The following MORC3 variants were observed in gnomAD, a reference collection of about 807,000 sequenced individuals.
The protein encoded by MORC3 is MORC family CW-type zinc finger 3, also known as MORC family CW-type zinc finger protein 3.
Under a neutral mutation model 109.1 loss-of-function variants are expected in MORC3, and 31 were observed. That is an observed-to-expected ratio of 0.28 (90% CI 0.21 to 0.38). MORC3 has a LOEUF of 0.38. Among genes scored for constraint, MORC3 ranks in the 10% least tolerant of loss-of-function variants. MORC3 has a pLI of 1.00. For synonymous variants in MORC3, 395 were observed against 380.7 expected (o/e 1.04, Z -0.44); for missense variants, 867 against 1,135.8 (o/e 0.76, Z 3.40).
chr21:36,327,900 A>G (rs2085267182), intron 1 of MORC3, among the ~76,000 whole-genome samples: 1 of 151,154 alleles, frequency 6.6e-6, no homozygotes, highest in African/African-American at 2.4e-5. Flanking sequence ...TTTCTGAGAC[A>G]GAGTCTTGTT....
At chr21:36,346,231 C>G (rs1258911507) in intron 8 of MORC3, among the ~76,000 whole-genome samples, 2 of 152,126 alleles carry the variant, frequency 1.3e-5, no homozygotes, top group African/African-American at 2.4e-5. Context: ...GTTGACCAGG[C>G]TGGCCTCAAA....
At chr21:36,354,193 A>C (rs975789208) in intron 9 of MORC3, among the ~76,000 whole-genome samples, 1 of 152,114 alleles carries the variant, frequency 6.6e-6, no homozygotes, top group African/African-American at 2.4e-5. Flanking sequence ...AGGCTGAGGA[A>C]GAAGGGGGAT....
At chr21:36,341,859 T>C (rs569533610) in intron 6 of MORC3, among the ~76,000 whole-genome samples, 3 of 152,320 alleles carry the variant, frequency 2.0e-5, no homozygotes, top group South Asian at 4.1e-4. Flanking sequence ...TATTATCTTA[T>C]TAGAATCAAT....
chr21:36,364,060 T>C (rs2085750202), intron 13 of MORC3, 33 bp from the exon 14 acceptor site: 1 of 1,593,904 alleles, frequency 6.3e-7, no homozygotes, highest in Admixed American at 1.8e-5. Flanking sequence ...CTAGAAATAG[T>C]TCCTTTAAGG....
intron 16 of MORC3, among the ~76,000 whole-genome samples, chr21:36,373,278 T>G (rs542122583): frequency 2.0e-4 from 30 of 151,888 alleles, no homozygotes; most frequent in African/African-American, 7.2e-4. Context: ...AGGTGGAGGT[T>G]GCAGTGAGCC....
intron 6 of MORC3, among the ~76,000 whole-genome samples, chr21:36,341,950 G>A (rs2085452693): frequency 6.6e-6 from 1 of 152,124 alleles, no homozygotes; most frequent in Admixed American, 6.6e-5. Flanking sequence ...GTATTTGCCC[G>A]TGCACGGTGG....
In MORC3 at chr21:36,354,323, C is replaced by CTTTTT. The variant is rs144208712; in HGVS notation, c.1104-2283_1104-2279dup. 5.2e-3 allele frequency among the ~76,000 whole-genome samples: 588 copies of CTTTTT among 113,534 alleles called. 1 individual carries two copies. The highest frequency in any genetic ancestry group is 8.9e-3 in the East Asian group (34 of 3,838). The allele number at this position is 113,534 out of a possible 152,430, so 74.5% of individuals were successfully genotyped here. A position where few individuals can be genotyped will look rare whatever the true frequency, so the allele number is the denominator to read the frequency against. Reference sequence around the variant, plus strand: ...TTTTGTTTTCTTTCTTTCTTTCTTTCTTTTTTTTTTTTTTTTTTGAGATGG... The same window carrying CTTTTT: ...TTTTGTTTTCTTTCTTTCTTTCTTTCTTTTTTTTTTTTTTTTTTTTTTTGAGATGG... On this transcript the variant is annotated intron_variant, in intron 9 of 16. Transcript: ENST00000400485.
At chr21:36,357,311 C>T (rs948732801) in intron 10 of MORC3, among the ~76,000 whole-genome samples, 2 of 152,084 alleles carry the variant, frequency 1.3e-5, no homozygotes, top group African/African-American at 4.8e-5. Flanking sequence ...ATACATTATA[C>T]ATATTATTCA....
intron 15 of MORC3, among the ~76,000 whole-genome samples, chr21:36,371,335 C>G: frequency 6.6e-6 from 1 of 152,162 alleles, no homozygotes; most frequent in East Asian, 1.9e-4. Context: ...TGCTCCTCAA[C>G]TTATGATGGT....
At chr21:36,353,489 C>T (rs1380101865) in intron 9 of MORC3, among the ~76,000 whole-genome samples, 2 of 151,896 alleles carry the variant, frequency 1.3e-5, no homozygotes, top group Non-Finnish European at 2.9e-5. Context: ...AACCACAATC[C>T]CAGCACTTTG....
At chr21:36,324,892 A>G (rs1278127431) in intron 1 of MORC3, among the ~76,000 whole-genome samples, 1 of 151,896 alleles carries the variant, frequency 6.6e-6, no homozygotes, top group Admixed American at 6.6e-5. Context: ...TGTTTTTAAT[A>G]GAGATGGTGT....
intron 1 of MORC3, among the ~76,000 whole-genome samples, chr21:36,328,592 C>T (rs1428241458): frequency 6.6e-6 from 1 of 152,150 alleles, no homozygotes; most frequent in African/African-American, 2.4e-5. Context: ...CTACTCACCT[C>T]GGCTTCCCAA....
At chr21:36,324,703 C>A (rs1296860368) in intron 1 of MORC3, among the ~76,000 whole-genome samples, 2 of 149,018 alleles carry the variant, frequency 1.3e-5, no homozygotes, top group Non-Finnish European at 3.0e-5. Context: ...AAACAGCCTT[C>A]TCATTTTTTT....
Position 36,369,140 on chromosome 21 carries a change from A to AACC in MORC3, c.1772_1773insACC (p.Asp591delinsGluPro). 6.2e-7 allele frequency: 1 copy of AACC among 1,614,150 alleles called. No individual in the cohort carries two copies. The highest frequency in any genetic ancestry group is 1.1e-5 in the South Asian group (1 of 91,076). On this transcript the variant is annotated protein_altering_variant, in exon 15 of 17. Coordinates refer to ENST00000400485, the MANE Select transcript of MORC3 (RefSeq NM_015358.3). ...AACAGTACCCCCAAACCTGCAGTAG[A>AACC]TCATGATATTGACATGAAATCAGAA...
intron 1 of MORC3, among the ~76,000 whole-genome samples, chr21:36,331,799 C>G (rs755378871): frequency 6.6e-6 from 1 of 152,090 alleles, no homozygotes; most frequent in African/African-American, 2.4e-5. Flanking sequence ...TGCGTTCAAA[C>G]GAAAAACCTT....
At position 36,372,254 on chromosome 21, in the gene MORC3, A is replaced by G. The variant is rs534956184; in HGVS notation, c.2509-120A>G. 1.2e-5 allele frequency: 10 copies of G among 809,502 alleles called. No individual in the cohort carries two copies. In the South Asian group the frequency reaches 2.8e-4, roughly 23 times the overall value. 50.1% of individuals were successfully genotyped at this position (809,502 alleles called of 1,614,324 possible). On this transcript the variant is annotated intron_variant, in intron 15 of 16. Coordinates refer to ENST00000400485, the MANE Select transcript of MORC3 (RefSeq NM_015358.3). ...GAAAACTACTGGTTTTTCTTTGTGT[A>G]TTTGTTTTTTGATAGTTGATAATGT...
At chr21:36,328,844 A>G (rs1176275407) in intron 1 of MORC3, among the ~76,000 whole-genome samples, 1 of 150,694 alleles carries the variant, frequency 6.6e-6, no homozygotes, top group Non-Finnish European at 1.5e-5. Context: ...CTTGGGCCAC[A>G]TTGGAAGAAG....
intron 5 of MORC3, 143 bp from the exon 6 acceptor site, chr21:36,341,256 T>A: frequency 2.9e-6 from 2 of 686,044 alleles, no homozygotes; most frequent in Non-Finnish European, 4.7e-6. Flanking sequence ...CTTTTTCTCT[T>A]GCCTTTGCAC....
At chr21:36,368,828 G>A (rs1314975253) in intron 14 of MORC3, among the ~76,000 whole-genome samples, 160 bp from the exon 15 acceptor site, 1 of 152,210 alleles carries the variant, frequency 6.6e-6, no homozygotes, top group African/African-American at 2.4e-5. Context: ...AGTGAGCCAA[G>A]ACTGTGCCAT....
Sources: gnomAD v4.1 joint callset for allele counts (sites outside exome capture counted in the v4.1 genomes callset) on GRCh38, gnomAD v4.1.1 for gene constraint, MANE v1.5 for transcripts, NCBI Gene and HGNC (gene_info 2026-07-23, HGNC 2026-07-21) for gene names.